Variants in AHNAK observed in about 807,000 individuals in gnomAD.
The protein encoded by AHNAK is AHNAK nucleoprotein.
A neutral mutation model predicts 37.8 loss-of-function variants in AHNAK; 23 were observed. The observed-to-expected ratio is 0.61, with a 90% CI of 0.44 to 0.86. The LOEUF is 0.86. AHNAK is among the 40% of genes least tolerant of loss of function. The pLI, the probability that AHNAK is intolerant of heterozygous loss-of-function variation, is 0.00. For missense variants in AHNAK, 7,411 were observed against 7,319.4 expected, an observed-to-expected ratio of 1.01 and a Z score of -0.46; for synonymous variants, 2,481 against 2,636.3, an observed-to-expected ratio of 0.94 and a Z score of 1.80.
In AHNAK at chr11:62,530,308, T is replaced by C. The variant is rs1940684739; in HGVS notation, c.4109A>G (p.Asp1370Gly). Residue 1370 changes from aspartate to glycine, a missense_variant, in exon 5 of 5, where the codon GAT becomes GGT. By Grantham distance (94) the Asp-to-Gly change is moderately conservative. Coordinates refer to ENST00000378024, the MANE Select transcript of AHNAK (RefSeq NM_001620.3). ...CCAATCTGGGCCATGAACATCCACA[T>C]CTGGAGCACTAATGTCAACTTTGGG... is the stretch of plus-strand genomic sequence containing the variant. ...KGPKVDISAP[D>G]VDVHGPDWHL... 1 of 1,613,076 alleles carries C rather than the reference T, an allele frequency of 6.2e-7. No individual in the cohort carries two copies. Among genetic ancestry groups the C allele is most frequent in the Non-Finnish European group, 8.5e-7 (1 of 1,179,800 alleles).
intron 1 of AHNAK, among the ~76,000 whole-genome samples, chr11:62,542,933 T>G (rs777236854): frequency 3.2e-4 from 48 of 152,088 alleles, no homozygotes; most frequent in Non-Finnish European, 6.2e-4. Flanking sequence ...CTGCTTGCTC[T>G]CCCCCCAGCG....
intron 5 of AHNAK, among the ~76,000 whole-genome samples, chr11:62,474,088 A>G (rs1939095228): frequency 6.6e-6 from 1 of 152,100 alleles, no homozygotes; most frequent in African/African-American, 2.4e-5. Context: ...CAAATATGTC[A>G]ATCAAAAATA....
In AHNAK at chr11:62,525,050, G is replaced by T. The variant is rs150068835; in HGVS notation, c.9367C>A (p.Pro3123Thr). The T allele has an allele frequency of 2.6e-5, 42 of 1,613,824 alleles. No individual in the cohort carries two copies. In the African/African-American group the frequency reaches 5.5e-4, roughly 21 times the overall value. The change falls in exon 5 of 5, where the codon CCT becomes ACT. Residue 3123 changes from proline to threonine, a missense_variant. Transcript: ENST00000378024. Reference sequence around the variant, plus strand: ...TTGGGGCCTTTAATATCCACGTCAGGAACTTTCATGTCACCTTCCACTTTT... The same window carrying T: ...TTGGGGCCTTTAATATCCACGTCAGTAACTTTCATGTCACCTTCCACTTTT... ...LPKVEGDMKV[P>T]DVDIKGPKVD...
rs1464315979 is a variant in AHNAK at position 62,543,906 on chromosome 11, G to A, written c.-100+2754C>T. Among the ~76,000 whole-genome samples, 5 of 152,156 alleles carry A rather than the reference G, an allele frequency of 3.3e-5. No homozygotes were observed. The South Asian group carries it at 8.3e-4, about 25-fold the overall frequency. Reference sequence around the variant, plus strand: ...CCGGGGAGAGAAACTTTGGGGCCTCGGGAATGGTGGGGGAGAGAGCCACAC... The same window carrying A: ...CCGGGGAGAGAAACTTTGGGGCCTCAGGAATGGTGGGGGAGAGAGCCACAC... On this transcript the variant is annotated intron_variant, in intron 1 of 4. Transcript: ENST00000378024.
In AHNAK at chr11:62,519,700, AT is replaced by A; in HGVS notation, c.14716del (p.Met4906CysfsTer11). On this transcript the variant is annotated frameshift_variant, in exon 5 of 5. Coordinates refer to ENST00000378024, the MANE Select transcript of AHNAK (RefSeq NM_001620.3). LOFTEE classifies it low-confidence loss of function (END_TRUNC). Reference protein sequence around the residue: ...DAKLSGPSLKMPSLEISAPKV... With the variant: ...DAKLSGPSLKXPSLEISAPKV... ...AGGAGCAGATATCTCCAGCGATGGC[AT>A]CTTCAAAGATGGGCCACTGAGTTTG... is the stretch of plus-strand genomic sequence containing the variant. The A allele has an allele frequency of 6.2e-7, 1 of 1,614,094 alleles. No individual in the cohort carries two copies. The highest frequency in any genetic ancestry group is 1.1e-5 in the South Asian group (1 of 91,046).
chr11:62,524,399 T>C lies in AHNAK; in HGVS notation c.10018A>G (p.Lys3340Glu). 6.2e-7 allele frequency: 1 copy of C among 1,612,306 alleles called. No individual in the cohort carries two copies. The highest frequency in any genetic ancestry group is 2.2e-5 in the East Asian group (1 of 44,878). ...TTTGACTTGCCTTCGATATTAAGCT[T>C]AGGACCGGAAACGTCCACTTCTGGG... Reference protein sequence around the residue: ...KGPEVDVSGPKLNIEGKSKKS... With the variant: ...KGPEVDVSGPELNIEGKSKKS... Residue 3340 changes from lysine to glutamate, a missense_variant, in exon 5 of 5, where the codon AAG becomes GAG. Transcript: ENST00000378024.
rs1373143056 is a variant in AHNAK at position 62,484,784 on chromosome 11, C to CTGTTT, written c.442+6943_442+6947dup. Among the ~76,000 whole-genome samples, 77 of 152,114 alleles carry CTGTTT rather than the reference C, an allele frequency of 5.1e-4. No individual in the cohort carries two copies. In the South Asian group the frequency reaches 7.9e-3, roughly 16 times the overall value. ...GACTTAGGTTTTGTTTTGTTTTGTT[C>CTGTTT]TGTTTTGTTTTGTTTTGTTTTTGAG... On this transcript the variant is annotated intron_variant, in intron 5 of 5. Coordinates refer to the AHNAK transcript ENST00000257247.
intron 5 of AHNAK, among the ~76,000 whole-genome samples, chr11:62,464,479 C>T (rs1350170602): frequency 2.0e-5 from 3 of 152,070 alleles, no homozygotes; most frequent in Admixed American, 1.3e-4. Flanking sequence ...ACCAGCCTGA[C>T]CAACATGGCG....
At position 62,526,128 on chromosome 11, in the gene AHNAK, G is replaced by T. The variant is rs115982903; in HGVS notation, c.8289C>A (p.His2763Gln). The change falls in exon 5 of 5, where the codon CAC (histidine) becomes CAA (glutamine). Residue 2763 changes from histidine (H) to glutamine (Q), a missense_variant. Physicochemically the swap from His to Gln is conservative, Grantham distance 24 (BLOSUM62 0). Transcript: ENST00000378024. ...PDVDVHGPDW[H>Q]LKMPKIKMPK... ...GCATTTTTATCTTGGGCATCTTTAG[G>T]TGCCAGTCTGGGCCATGAACATCAA... 6.2e-7 allele frequency: 1 copy of T among 1,613,424 alleles called. No individual in the cohort carries two copies. Among genetic ancestry groups the T allele is most frequent in the Non-Finnish European group, 8.5e-7 (1 of 1,179,924 alleles).
rs1940938380 is a variant in AHNAK, at chr11:62,536,086, C to T, written c.13G>A (p.Glu5Lys). ...GGCAGCAGCAGCTCCCGGGTTGTCT[C>T]CTCCTTCTCCATCTGGAATGAGGTG... Reference protein sequence around the residue: MEKEETTRELLLPNW... With the variant: MEKEKTTRELLLPNW... The change falls in exon 3 of 5, where the codon GAG becomes AAG. Residue 5 changes from glutamate (E) to lysine (K), a missense_variant. Physicochemically the swap from Glu to Lys is moderately conservative, Grantham distance 56. Transcript: ENST00000378024. The T allele has an allele frequency of 2.5e-6, 4 of 1,584,916 alleles. No homozygotes were observed. The highest frequency in any genetic ancestry group is 3.4e-6 in the Non-Finnish European group (4 of 1,163,726).
chr11:62,471,720 G>C (rs1359685130), intron 5 of AHNAK, among the ~76,000 whole-genome samples: 1 of 152,234 alleles, frequency 6.6e-6, no homozygotes, highest in Non-Finnish European at 1.5e-5. Flanking sequence ...TTGGGGGCCA[G>C]GCAGCCCATG....
exon 6 of AHNAK, chr11:62,433,788 G>A (rs1938098710): frequency 2.4e-5 from 38 of 1,553,186 alleles, no homozygotes; most frequent in Non-Finnish European, 3.4e-5. Flanking sequence ...GTTGCCCTTG[G>A]CACAGCAATA....
chr11:62,520,046 G>C lies in AHNAK; in HGVS notation c.14371C>G (p.Pro4791Ala), dbSNP rs141139317. 49 of 1,613,398 alleles carry C rather than the reference G, an allele frequency of 3.0e-5. No homozygotes were observed. The highest frequency in any genetic ancestry group is 4.4e-5 in the South Asian group (4 of 91,054). The change falls in exon 5 of 5, where the codon CCT becomes GCT. Residue 4791 changes from proline (P) to alanine (A), a missense_variant. By Grantham distance (27) the Pro-to-Ala change is conservative (BLOSUM62 -1). Coordinates refer to ENST00000378024, the MANE Select transcript of AHNAK (RefSeq NM_001620.3). The stretch of plus-strand genomic sequence containing the variant: ...TCTGGACCTTCTCCTTTGAAGCCAG[G>C]CATGCTGAATTTGGGCATTTTCACC... The part of the protein sequence containing the change: ...PKVKMPKFSM[P>A]GFKGEGPDVD...
intron 5 of AHNAK, among the ~76,000 whole-genome samples, chr11:62,462,785 T>G (rs1938819683): frequency 6.6e-6 from 1 of 152,116 alleles, no homozygotes; most frequent in African/African-American, 2.4e-5. Context: ...TAATAGCCCT[T>G]AGTAGAAGAA....
chr11:62,523,735 A>C lies in AHNAK; in HGVS notation c.10682T>G (p.Val3561Gly). 6.2e-7 allele frequency: 1 copy of C among 1,613,572 alleles called. No homozygotes were observed. The highest frequency in any genetic ancestry group is 2.2e-5 in the East Asian group (1 of 44,816). The change falls in exon 5 of 5, where the codon GTG (valine) becomes GGG (glycine). Residue 3561 changes from valine (V) to glycine (G), a missense_variant. Transcript: ENST00000378024. The part of the protein sequence containing the change: ...NLKGPKVKGD[V>G]DISLPKLEGD... ...TTCAAGTTTGGGAAGAGAAATATCC[A>C]CATCACCTTTCACCTTGGGGCCTTT...
chr11:62,522,003 C>G lies in AHNAK; in HGVS notation c.12414G>C (p.Leu4138=), dbSNP rs1487990488. 1 of 1,613,900 alleles carries G rather than the reference C, an allele frequency of 6.2e-7. No homozygotes were observed. The highest frequency in any genetic ancestry group is 8.5e-7 in the Non-Finnish European group (1 of 1,179,996). ...CGTCGCCCTTCATCTTTGGACCTTTCAGATTCAGGTCAACTTCAGGCATAG... is the reference window on the plus strand; with the variant it reads ...CGTCGCCCTTCATCTTTGGACCTTTGAGATTCAGGTCAACTTCAGGCATAG... ...KISMPEVDLN[L]KGPKMKGDVD... Residue 4138 remains leucine (L), a synonymous_variant, in exon 5 of 5, where the codon CTG becomes CTC. Coordinates refer to ENST00000378024, the MANE Select transcript of AHNAK (RefSeq NM_001620.3).
chr11:62,475,381 G>A (rs1249414317), intron 5 of AHNAK, among the ~76,000 whole-genome samples: 1 of 152,120 alleles, frequency 6.6e-6, no homozygotes, highest in Non-Finnish European at 1.5e-5. Flanking sequence ...GATGGAGGTG[G>A]AGGCCATTAT....
In AHNAK at chr11:62,527,214, T is replaced by C. The variant is rs1293000235; in HGVS notation, c.7203A>G (p.Lys2401=). 5 of 1,612,314 alleles carry C rather than the reference T, an allele frequency of 3.1e-6. No individual in the cohort carries two copies. The highest frequency in any genetic ancestry group is 4.2e-6 in the Non-Finnish European group (5 of 1,179,330). Residue 2401 remains lysine, a synonymous_variant, in exon 5 of 5, where the codon AAA becomes AAG. Transcript: ENST00000378024. ...LDLHLKSPKA[K]GEVDVDVPKL... ...TGGGAACATCTACATCCACCTCTCC[T>C]TTTGCCTTGGGGCTCTTCAAGTGTA...
intron 5 of AHNAK, among the ~76,000 whole-genome samples, chr11:62,435,691 G>C (rs1041707100): frequency 1.3e-5 from 2 of 152,168 alleles, no homozygotes; most frequent in African/African-American, 4.8e-5. Context: ...GGGATTACAG[G>C]CTTGAGCCAC....
Sources: gnomAD v4.1 joint callset for allele counts (sites outside exome capture counted in the v4.1 genomes callset) on GRCh38, gnomAD v4.1.1 for gene constraint, MANE v1.5 for transcripts, NCBI Gene and HGNC (gene_info 2026-07-23, HGNC 2026-07-21) for gene names.